Variants in DNM1L observed in about 807,000 individuals in gnomAD.
DNM1L encodes dynamin 1L, also known as dynamin-1-like protein.
A neutral mutation model predicts 92.8 loss-of-function variants in DNM1L; 33 were observed. That is an observed-to-expected ratio of 0.36 (90% CI 0.27 to 0.48). The LOEUF (loss-of-function observed/expected upper bound fraction) is 0.48. Among genes scored for constraint, DNM1L ranks in the 20% least tolerant of loss-of-function variants. DNM1L has a pLI of 0.99. For missense variants in DNM1L, 485 were observed against 888.8 expected (o/e 0.55, Z 5.78); for synonymous variants, 284 against 305.0 (o/e 0.93, Z 0.72).
At position 32,699,616 on chromosome 12, in the gene DNM1L, TGA is replaced by T. The variant is rs1391833849; in HGVS notation, c.103-1798_103-1797del. Among the ~76,000 whole-genome samples, 8 of 151,856 alleles carry T rather than the reference TGA, an allele frequency of 5.3e-5. No individual in the cohort carries two copies. The East Asian group carries it at 1.6e-3, about 29-fold the overall frequency. ...TTTGAAACCAGCCTGGCGCACATGG[TGA>T]AACCCTGTCTCTACTAAAAATACAA... On this transcript the variant is annotated intron_variant, in intron 1 of 19. Transcript: ENST00000549701.
At chr12:32,732,420 C>T (rs1321876230) in intron 12 of DNM1L, 1 of 439,198 alleles carries the variant, frequency 2.3e-6, no homozygotes, top group Non-Finnish European at 4.5e-6. Context: ...TGCTGCTATC[C>T]ACACAAATAA....
In DNM1L at chr12:32,694,417, T is replaced by TA. The variant is rs536990159; in HGVS notation, c.103-6996dup. On this transcript the variant is annotated intron_variant, in intron 1 of 19. Transcript: ENST00000549701. The stretch of plus-strand genomic sequence containing the variant: ...GACATTTCATATAAACAGGGTCAAA[T>TA]AATATGTGGTCTTTTGTGACTGACT... Among the ~76,000 whole-genome samples the TA allele has an allele frequency of 2.4e-4, 37 of 152,336 alleles. No individual in the cohort carries two copies. In the East Asian group the frequency reaches 7.1e-3, roughly 29 times the overall value.
chr12:32,715,226 T>G (rs1953310404), intron 6 of DNM1L, among the ~76,000 whole-genome samples: 4 of 151,924 alleles, frequency 2.6e-5, no homozygotes, highest in African/African-American at 7.2e-5. Flanking sequence ...CCCAAAGTGT[T>G]GGGATTGCAA....
At chr12:32,700,015 A>G (rs12307536) in intron 1 of DNM1L, among the ~76,000 whole-genome samples, 21,511 of 152,164 alleles carry the variant, frequency 0.14, 1,566 homozygotes, top group Middle Eastern at 0.19. Context: ...GTAAGGTTAT[A>G]TGTATAAGCA....
intron 8 of DNM1L, among the ~76,000 whole-genome samples, 166 bp downstream of exon 8, chr12:32,720,961 G>C (rs1441027992): frequency 1.3e-5 from 2 of 152,114 alleles, no homozygotes; most frequent in Non-Finnish European, 2.9e-5. Context: ...TTTTATTGGG[G>C]TGGTTGACAT....
intron 1 of DNM1L, among the ~76,000 whole-genome samples, chr12:32,695,052 G>C (rs1480413362): frequency 6.6e-6 from 1 of 152,088 alleles, no homozygotes; most frequent in East Asian, 1.9e-4. Flanking sequence ...AGGAACCGAG[G>C]ATACAATTGA....
intron 1 of DNM1L, among the ~76,000 whole-genome samples, chr12:32,701,090 C>T (rs577741968): frequency 6.6e-6 from 1 of 152,254 alleles, no homozygotes; most frequent in East Asian, 1.9e-4. Context: ...GCCTAATCAA[C>T]ATGGAGAAAC....
rs1955470937 is a variant in DNM1L at position 32,743,677 on chromosome 12, A to AAAAC, written c.*270_*273dup. 8.5e-6 allele frequency: 4 copies of AAAAC among 473,068 alleles called. No homozygotes were observed. The highest frequency in any genetic ancestry group is 1.5e-5 in the Non-Finnish European group (4 of 264,218). The allele number at this position is 473,068 out of a possible 1,614,324, so 29.3% of individuals were successfully genotyped here. ...GACAGTTTCATCTGAACTTAACTTA[A>AAAAC]AAACAACTGTTAATGTTCTAGTTGT... On this transcript the variant is annotated 3_prime_UTR_variant, in exon 20 of 20. Transcript: ENST00000549701.
chr12:32,683,587 C>T (rs989247135), intron 1 of DNM1L, among the ~76,000 whole-genome samples: 1 of 151,756 alleles, frequency 6.6e-6, no homozygotes, highest in African/African-American at 2.4e-5. Flanking sequence ...CTCTGTTGTC[C>T]AGGCTGGAGT....
intron 2 of DNM1L, among the ~76,000 whole-genome samples, chr12:32,704,395 C>T (rs1227582061): frequency 6.6e-6 from 1 of 151,786 alleles, no homozygotes; most frequent in Non-Finnish European, 1.5e-5. Flanking sequence ...ACTAAAAATA[C>T]AAAAATAAGC....
intron 13 of DNM1L, 99 bp downstream of exon 13, chr12:32,733,906 T>C (rs1954716157): frequency 9.6e-7 from 1 of 1,041,906 alleles, no homozygotes; most frequent in African/African-American, 1.6e-5. Flanking sequence ...AAAATAGACA[T>C]GTGCCACATT....
chr12:32,687,713 G>A (rs1462522669), intron 1 of DNM1L, among the ~76,000 whole-genome samples: 1 of 151,652 alleles, frequency 6.6e-6, no homozygotes, highest in Non-Finnish European at 1.5e-5. Flanking sequence ...GCCTCCCAAA[G>A]TGCTGGGAAT....
At chr12:32,725,410 A>G (rs545623709) in intron 9 of DNM1L, 139 of 152,316 alleles carry the variant, frequency 9.1e-4, no homozygotes, top group African/African-American at 3.2e-3. Flanking sequence ...TTAAATTTAA[A>G]AGTACAGTGA....
At chr12:32,710,116 A>G (rs1311614034) in intron 4 of DNM1L, among the ~76,000 whole-genome samples, 1 of 152,214 alleles carries the variant, frequency 6.6e-6, no homozygotes. Context: ...GTAGAGGGCC[A>G]GTGGTGAAGA....
In DNM1L at chr12:32,702,836, T is replaced by G. The variant is rs536021021; in HGVS notation, c.250+1274T>G. Among the ~76,000 whole-genome samples, 15 of 152,300 alleles carry G rather than the reference T, an allele frequency of 9.8e-5. No homozygotes were observed. In the South Asian group the frequency reaches 2.5e-3, roughly 25 times the overall value. Reference sequence around the variant, plus strand: ...CTATGTGGGAGCCTTTTAATTACATTAGGTAGCTTCTGGGTATGTTATTCA... The same window carrying G: ...CTATGTGGGAGCCTTTTAATTACATGAGGTAGCTTCTGGGTATGTTATTCA... On this transcript the variant is annotated intron_variant, in intron 2 of 19. Transcript: ENST00000549701.
chr12:32,679,325 C>G lies in DNM1L; in HGVS notation c.-39C>G. 1.4e-6 allele frequency: 2 copies of G among 1,417,664 alleles called. No homozygotes were observed. Among genetic ancestry groups the G allele is most frequent in the Non-Finnish European group, 2.0e-6 (2 of 1,005,778 alleles). The allele number at this position is 1,417,664 out of a possible 1,614,324, so 87.8% of individuals were successfully genotyped here. The stretch of plus-strand genomic sequence containing the variant: ...TGTGGGCCCCGGCCCCATTCATTGC[C>G]GTGGCCGGCGGGCACTGGGGCCCCG... On this transcript the variant is annotated 5_prime_UTR_variant, in exon 1 of 20. Coordinates refer to ENST00000549701, the MANE Select transcript of DNM1L (RefSeq NM_012062.5).
intron 2 of DNM1L, among the ~76,000 whole-genome samples, chr12:32,705,116 C>G (rs537425150): frequency 6.6e-6 from 1 of 151,628 alleles, no homozygotes; most frequent in Non-Finnish European, 1.5e-5. Context: ...AATTCTCCTG[C>G]CTCAGCCTCC....
intron 2 of DNM1L, among the ~76,000 whole-genome samples, chr12:32,702,233 C>G (rs1397350727): frequency 1.2e-5 from 1 of 81,344 alleles, no homozygotes; most frequent in Non-Finnish European, 2.5e-5. Context: ...GACTCCGTCT[C>G]AAAAAAAAAA....
At chr12:32,695,199 G>C (rs1011267568) in intron 1 of DNM1L, among the ~76,000 whole-genome samples, 2 of 152,188 alleles carry the variant, frequency 1.3e-5, no homozygotes, top group Non-Finnish European at 2.9e-5. Context: ...GGGATTTTTA[G>C]AGTATAAAGG....
Sources: allele counts gnomAD v4.1 joint callset (sites outside exome capture counted in the v4.1 genomes callset), GRCh38; gene constraint gnomAD v4.1.1; transcripts MANE v1.5; gene names NCBI Gene and HGNC (gene_info 2026-07-23, HGNC 2026-07-21).